CFAP70: variants seen among roughly 807,000 people sequenced by gnomAD.
The protein encoded by CFAP70 is cilia- and flagella-associated protein 70.
A neutral mutation model predicts 137.6 loss-of-function variants in CFAP70; 81 were observed. The observed-to-expected ratio is 0.59, with a 90% CI of 0.49 to 0.71. The LOEUF is 0.71. CFAP70 is among the 30% of genes least tolerant of loss of function. The pLI, the probability that CFAP70 is intolerant of heterozygous loss-of-function variation, is 0.00. For synonymous variants in CFAP70, 382 were observed against 423.6 expected (o/e 0.90, Z 1.20); for missense variants, 976 against 1,226.7 (o/e 0.80, Z 3.05).
intron 19 of CFAP70, among the ~76,000 whole-genome samples, chr10:73,279,544 A>G (rs2047094356): frequency 6.8e-6 from 1 of 146,292 alleles, no homozygotes; most frequent in African/African-American, 2.5e-5. Flanking sequence ...TAAATAAATA[A>G]ATAAATAAAT....
exon 7 of CFAP70, chr10:73,335,481 A>G: frequency 6.2e-7 from 1 of 1,611,062 alleles, no homozygotes; most frequent in Non-Finnish European, 8.5e-7. Context: ...GTCCCAAATA[A>G]TCCTTTTCTT....
intron 19 of CFAP70, among the ~76,000 whole-genome samples, chr10:73,282,396 A>G (rs908224140): frequency 3.3e-5 from 5 of 152,230 alleles, no homozygotes; most frequent in Non-Finnish European, 7.3e-5. Context: ...AACTATGCCA[A>G]TATCATAGTC....
At chr10:73,298,395 T>G (rs2048697607) in intron 14 of CFAP70, among the ~76,000 whole-genome samples, 1 of 152,188 alleles carries the variant, frequency 6.6e-6, no homozygotes, top group African/African-American at 2.4e-5. Flanking sequence ...AGGGAAAGAT[T>G]TGGAGTTTTT....
chr10:73,299,488 A>C (rs2048780758), intron 13 of CFAP70, 117 bp downstream of exon 14: 13 of 799,072 alleles, frequency 1.6e-5, no homozygotes, highest in Non-Finnish European at 2.5e-5. Context: ...AAAATACGTA[A>C]AGCTTCAAAC....
At chr10:73,323,093 T>A in exon 9 of CFAP70, 1 of 1,612,018 alleles carries the variant, frequency 6.2e-7, no homozygotes, top group South Asian at 1.1e-5. Context: ...AGCTTCTTCA[T>A]CAGTCTAAAG....
At chr10:73,271,738 A>G (rs934333918) in intron 24 of CFAP70, among the ~76,000 whole-genome samples, 2 of 152,130 alleles carry the variant, frequency 1.3e-5, no homozygotes, top group Non-Finnish European at 2.9e-5. Flanking sequence ...TCTGTCACCC[A>G]GCCTGGAGTG....
At position 73,284,145 on chromosome 10, in the gene CFAP70, G is replaced by A. The variant is rs543798779; in HGVS notation, c.2240-5808C>T. Among the ~76,000 whole-genome samples, 7 of 152,302 alleles carry A rather than the reference G, an allele frequency of 4.6e-5. 1 individual carries two copies. The South Asian group carries it at 1.5e-3, about 32-fold the overall frequency. The stretch of plus-strand genomic sequence containing the variant: ...CTAGCTCCTTCTGGAGGCTCTAAGG[G>A]AGAATTTATTTCCTTGCCTTTTCAG... On this transcript the variant is annotated intron_variant, in intron 19 of 26. Transcript: ENST00000310715.
intron 25 of CFAP70, among the ~76,000 whole-genome samples, chr10:73,260,147 G>A (rs1410145114): frequency 6.6e-6 from 1 of 152,118 alleles, no homozygotes; most frequent in Non-Finnish European, 1.5e-5. Context: ...GAGGCCAGGA[G>A]TTCAAGACTA....
intron 4 of CFAP70, among the ~76,000 whole-genome samples, chr10:73,346,335 G>A (rs1296221808): frequency 1.3e-5 from 2 of 151,348 alleles, no homozygotes; most frequent in South Asian, 2.1e-4. Context: ...TACAAAGTAG[G>A]TTTTAAATGT....
intron 25 of CFAP70, among the ~76,000 whole-genome samples, chr10:73,257,764 T>G (rs1438475803): frequency 1.3e-5 from 2 of 152,190 alleles, no homozygotes; most frequent in African/African-American, 4.8e-5. Context: ...GAGGCCCAAA[T>G]GATGTCAGGA....
chr10:73,339,063 T>C (rs1173655217), intron 6 of CFAP70, among the ~76,000 whole-genome samples: 1 of 151,872 alleles, frequency 6.6e-6, no homozygotes, highest in Non-Finnish European at 1.5e-5. Context: ...GAATTACAGG[T>C]GTGTGCCAAC....
At chr10:73,300,721 G>A (rs889767302) in intron 12 of CFAP70, among the ~76,000 whole-genome samples, 3 of 152,048 alleles carry the variant, frequency 2.0e-5, no homozygotes, top group African/African-American at 7.2e-5. Context: ...AAATTAGCTG[G>A]GTGTAGTGGT....
chr10:73,308,841 A>G (rs2049650296), intron 12 of CFAP70, among the ~76,000 whole-genome samples: 1 of 151,654 alleles, frequency 6.6e-6, no homozygotes, highest in South Asian at 2.1e-4. Flanking sequence ...AGACAAATGA[A>G]AACAAAAACC....
At chr10:73,338,110 T>C (rs2052865043) in intron 6 of CFAP70, among the ~76,000 whole-genome samples, 1 of 151,926 alleles carries the variant, frequency 6.6e-6, no homozygotes, top group Admixed American at 6.6e-5. Flanking sequence ...ACAACACAAT[T>C]TGAATTGCAT....
chr10:73,262,593 A>G (rs1350378937), intron 25 of CFAP70, among the ~76,000 whole-genome samples: 2 of 152,200 alleles, frequency 1.3e-5, no homozygotes, highest in African/African-American at 4.8e-5. Flanking sequence ...TCTTTTATCC[A>G]TGAAAATGTG....
chr10:73,266,586 T>A (rs549784278), intron 25 of CFAP70, among the ~76,000 whole-genome samples: 1 of 152,222 alleles, frequency 6.6e-6, no homozygotes, highest in East Asian at 1.9e-4. Context: ...CCATTTCATA[T>A]AATAGTTTAG....
intron 24 of CFAP70, 45 bp from the exon 26 acceptor site, chr10:73,269,760 C>G: frequency 8.2e-7 from 1 of 1,222,272 alleles, no homozygotes; most frequent in Non-Finnish European, 1.2e-6. Flanking sequence ...GCTGAAACCA[C>G]TATGTCCCAA....
At chr10:73,316,463 GATATATATATATATATAGATATAGAT>G (rs1297883818) in intron 9 of CFAP70, among the ~76,000 whole-genome samples, 1,873 of 128,118 alleles carry the variant, frequency 0.015, 25 homozygotes, top group African/African-American at 0.047. Context: ...CCTTTGTTGA[GATATATATATATATATAGATATAGAT>G]ATATATATAT....
intron 25 of CFAP70, among the ~76,000 whole-genome samples, chr10:73,266,891 CCTT>C (rs899849273): frequency 6.7e-6 from 1 of 149,076 alleles, no homozygotes; most frequent in African/African-American, 2.5e-5. Flanking sequence ...TATTTCTACT[CCTT>C]ATCATTTTCT....
Sources: allele counts gnomAD v4.1 joint callset (sites outside exome capture counted in the v4.1 genomes callset), GRCh38; gene constraint gnomAD v4.1.1; transcripts MANE v1.5; gene names NCBI Gene and HGNC (gene_info 2026-07-23, HGNC 2026-07-21).